NR0B1: variants seen among roughly 807,000 people sequenced by gnomAD.
The protein encoded by NR0B1 is DSS-AHC critical region on the X chromosome protein 1.
In NR0B1, 3 loss-of-function variants were observed where a neutral mutation model predicts 23.0. The ratio of observed to expected loss-of-function variants is 0.13; its 90% confidence interval spans 0.06 to 0.34. NR0B1 has a LOEUF of 0.34. Ranked by LOEUF, NR0B1 falls within the 10% of genes least tolerant of loss-of-function variation. The probability of loss-of-function intolerance (pLI) is 1.00; values close to 1 mark genes in which losing one functional copy is unlikely to be tolerated. For missense variants in NR0B1, 350 were observed against 402.9 expected, an observed-to-expected ratio of 0.87 and a Z score of 1.12; for synonymous variants, 205 against 184.0, an observed-to-expected ratio of 1.11 and a Z score of -0.92.
chrX:30,305,571 A>G (rs1223030347), intron 1 of NR0B1: 1 of 234,746 alleles, frequency 4.3e-6, no homozygotes, highest in East Asian at 7.1e-5. Context: ...AACATCACGA[A>G]TTGTACCATG....
At chrX:30,307,044 A>G (rs948773279) in intron 1 of NR0B1, among the ~76,000 whole-genome samples, 2 of 111,619 alleles carry the variant, frequency 1.8e-5, no homozygotes, top group African/African-American at 6.5e-5. Flanking sequence ...ACAAATTATT[A>G]TCCCACCAAA....
intron 1 of NR0B1, among the ~76,000 whole-genome samples, chrX:30,306,065 TC>T (rs1343949318): frequency 9.0e-6 from 1 of 111,588 alleles, no homozygotes; most frequent in Non-Finnish European, 1.9e-5. Context: ...CACATTATCA[TC>T]CCCTTCTATC....
chrX:30,308,784 C>T lies in NR0B1; in HGVS notation c.580G>A (p.Ala194Thr). 8.4e-7 allele frequency: 1 copy of T among 1,195,496 alleles called. No individual in the cohort carries two copies. Among genetic ancestry groups the T allele is most frequent in the Non-Finnish European group, 1.1e-6 (1 of 887,873 alleles). ...CAAAAGCAGCAGCGGTACAGAAGCGCCGTGGCCCGCCCGCCTGGTAGCGCC... is the reference window on the plus strand; with the variant it reads ...CAAAAGCAGCAGCGGTACAGAAGCGTCGTGGCCCGCCCGCCTGGTAGCGCC... ...KEALPGGRAT[A>T]LLYRCCFCGE... Residue 194 changes from alanine (A) to threonine (T), a missense_variant, in exon 1 of 2, where the codon GCG becomes ACG. By Grantham distance (58) the Ala-to-Thr change is moderately conservative (BLOSUM62 0). This residue lies in a region of NR0B1 where 298 missense variants were observed against 314.0 expected (regional missense o/e 0.95). Transcript: ENST00000378970.
At position 30,304,479 on chromosome X, in the gene NR0B1, A is replaced by G. The variant is rs1457784674; in HGVS notation, c.*100T>C. The G allele has an allele frequency of 6.3e-6, 6 of 948,039 alleles. No individual in the cohort carries two copies. Among genetic ancestry groups the G allele is most frequent in the African/African-American group, 2.0e-5 (1 of 51,014 alleles). 78.1% of individuals were successfully genotyped at this position (948,039 alleles called of 1,213,427 possible). On this transcript the variant is annotated 3_prime_UTR_variant, in exon 2 of 2. Coordinates refer to ENST00000378970, the MANE Select transcript of NR0B1 (RefSeq NM_000475.5). ...AAATACTCTGCATGTAAAAATATTA[A>G]GAAAGTTTATTTTAAAATATTTTAC...
Position 30,304,937 on chromosome X carries a change from C to T in NR0B1, c.1169-114G>A, listed in dbSNP as rs1180893159. 1.6e-5 allele frequency: 15 copies of T among 958,673 alleles called. No homozygotes were observed. The East Asian group carries it at 2.0e-4, about 13-fold the overall frequency. 79.0% of individuals were successfully genotyped at this position (958,673 alleles called of 1,213,427 possible). A position where few individuals can be genotyped will look rare whatever the true frequency, so the allele number is the denominator to read the frequency against. On this transcript the variant is annotated intron_variant, in intron 1 of 1. Transcript: ENST00000378970. ...CAATTAAACAAGACCCAAAGCTTCC[C>T]GGTTAAAAGGGTAAAAGGCCAAACC...
intron 1 of NR0B1, chrX:30,305,873 A>G (rs754259743): frequency 4.5e-6 from 2 of 441,836 alleles, no homozygotes; most frequent in South Asian, 4.6e-5. Flanking sequence ...ATTCAACAGA[A>G]AAGTATTTTA....
rs934689586 is a variant in NR0B1, at chrX:30,306,130, G to A, written c.1169-1307C>T. On this transcript the variant is annotated intron_variant, in intron 1 of 1. Coordinates refer to ENST00000378970, the MANE Select transcript of NR0B1 (RefSeq NM_000475.5). ...AATTTTGTTGTGTTTGAATTCCATCGATGAAAGTAGGAAGAGGCTTGCATG... is the reference window on the plus strand; with the variant it reads ...AATTTTGTTGTGTTTGAATTCCATCAATGAAAGTAGGAAGAGGCTTGCATG... Among the ~76,000 whole-genome samples the A allele has an allele frequency of 2.7e-5, 3 of 111,376 alleles. No homozygotes were observed. The Admixed American group carries it at 2.9e-4, about 11-fold the overall frequency.
At chrX:30,308,106 A>T (rs1037579406) in intron 1 of NR0B1, 90 bp downstream of exon 1, 4 of 725,402 alleles carry the variant, frequency 5.5e-6, no homozygotes, top group Non-Finnish European at 8.8e-6. Flanking sequence ...CTGATCACTG[A>T]AAACTCGTTA....
intron 1 of NR0B1, among the ~76,000 whole-genome samples, chrX:30,307,140 G>A (rs1926535967): frequency 8.9e-6 from 1 of 111,906 alleles, no homozygotes; most frequent in Middle Eastern, 4.7e-3. Context: ...AGATACAAAA[G>A]GAGCATTATA....
chrX:30,304,287 A>T lies in NR0B1; in HGVS notation c.*292T>A. On this transcript the variant is annotated 3_prime_UTR_variant, in exon 2 of 2. Coordinates refer to ENST00000378970, the MANE Select transcript of NR0B1 (RefSeq NM_000475.5). Reference sequence around the variant, plus strand: ...TACAAATTTGATTTGAGCAGGTTCCATGAAATTGCTACACTTGTGAAAATA... The same window carrying T: ...TACAAATTTGATTTGAGCAGGTTCCTTGAAATTGCTACACTTGTGAAAATA... The T allele has an allele frequency of 4.2e-6, 1 of 240,299 alleles. No homozygotes were observed. 19.8% of individuals were successfully genotyped at this position (240,299 alleles called of 1,213,427 possible).
At position 30,308,676 on chromosome X, in the gene NR0B1, G is replaced by C; in HGVS notation, c.688C>G (p.Arg230Gly). The C allele has an allele frequency of 2.5e-6, 3 of 1,201,128 alleles. No individual in the cohort carries two copies. Among genetic ancestry groups the C allele is most frequent in the Non-Finnish European group, 3.4e-6 (3 of 890,719 alleles). ...TNQAQAAPEERPRAPWWDTSS... is the reference protein window; with the variant it reads ...TNQAQAAPEEGPRAPWWDTSS... ...GTGTCCCACCAGGGGGCCCTCGGCC[G>C]CTCCTCCGGAGCCGCCTGCGCTTGA... The change falls in exon 1 of 2, where the codon CGG becomes GGG. Residue 230 changes from arginine to glycine, a missense_variant. Physicochemically the swap from Arg to Gly is moderately radical, Grantham distance 125. Transcript: ENST00000378970.
In NR0B1 at chrX:30,304,451, C is replaced by A; in HGVS notation, c.*128G>T. 1.3e-6 allele frequency: 1 copy of A among 764,077 alleles called. No homozygotes were observed. Among genetic ancestry groups the A allele is most frequent in the Non-Finnish European group, 1.9e-6 (1 of 526,953 alleles). The allele number at this position is 764,077 out of a possible 1,213,427, so 63.0% of individuals were successfully genotyped here. On this transcript the variant is annotated 3_prime_UTR_variant, in exon 2 of 2. Transcript: ENST00000378970. ...ATAAAATTATTTCTTTAATTGAATA[C>A]AAAAATACTCTGCATGTAAAAATAT...
rs188406413 is a variant in NR0B1 at position 30,308,605 on chromosome X, C to T, written c.759G>A (p.Val253=). 2 of 1,206,243 alleles carry T rather than the reference C, an allele frequency of 1.7e-6. No individual in the cohort carries two copies. Among genetic ancestry groups the T allele is most frequent in the African/African-American group, 3.5e-5 (2 of 57,386 alleles). ...LRPVALKSPQ[V]VCEAASAGLL... ...GGCCCGCTGAGGCTGCCTCGCAGAC[C>T]ACCTGTGGACTCTTGAGCGCCACCG... The change falls in exon 1 of 2, where the codon GTG becomes GTA. Residue 253 remains valine, a synonymous_variant. Coordinates refer to ENST00000378970, the MANE Select transcript of NR0B1 (RefSeq NM_000475.5).
In NR0B1 at chrX:30,304,817, G is replaced by T. The variant is rs1261361082; in HGVS notation, c.1175C>A (p.Pro392Gln). Reference protein sequence around the residue: ...KGTVLFNPDVPGLQCVKYIQG... With the variant: ...KGTVLFNPDVQGLQCVKYIQG... ...AATGTACTTCACGCACTGCAGGCCCGGCACGTCTGGAGGGAGAAAAATCTC... is the reference window on the plus strand; with the variant it reads ...AATGTACTTCACGCACTGCAGGCCCTGCACGTCTGGAGGGAGAAAAATCTC... Residue 392 changes from proline to glutamine, a missense_variant, in exon 2 of 2, where the codon CCG becomes CAG. Physicochemically the swap from Pro to Gln is moderately conservative, Grantham distance 76. Transcript: ENST00000378970. 1 of 1,210,710 alleles carries T rather than the reference G, an allele frequency of 8.3e-7. No individual in the cohort carries two copies.
Position 30,309,083 on chromosome X carries a change from G to T in NR0B1, c.281C>A (p.Pro94Gln), listed in dbSNP as rs749226179. The T allele has an allele frequency of 8.3e-6, 10 of 1,200,505 alleles. No homozygotes were observed. In the Admixed American group the frequency reaches 2.0e-4, roughly 24 times the overall value. Residue 94 changes from proline to glutamine, a missense_variant, in exon 1 of 2, where the codon CCG (proline) becomes CAG (glutamine). Around this residue, in one of 2 missense-constraint regions of NR0B1, gnomAD observed 298 missense variants for 314.0 expected, o/e 0.95. Transcript: ENST00000378970. ...LTSAKQTYAA[P>Q]KAPEATLGPC... ...ACCCAGCGTCGCCTCGGGCGCCTTC[G>T]GTGCCGCGTACGTTTGCTTTGCGCT... is the stretch of plus-strand genomic sequence containing the variant.
rs1926559239 is a variant in NR0B1, at chrX:30,308,177, C to T, written c.1168+19G>A. ...TTTGTGAGCTGGGAAAAGCCGGCGC[C>T]TAAGGCCAGTACCCTTACCCGGGTT... On this transcript the variant is annotated intron_variant, in intron 1 of 1. Transcript: ENST00000378970. The T allele has an allele frequency of 8.4e-7, 1 of 1,191,110 alleles. No homozygotes were observed. Among genetic ancestry groups the T allele is most frequent in the Non-Finnish European group, 1.1e-6 (1 of 876,306 alleles).
intron 1 of NR0B1, among the ~76,000 whole-genome samples, chrX:30,306,294 C>T (rs189783955): frequency 2.7e-5 from 3 of 111,344 alleles, no homozygotes; most frequent in South Asian, 3.8e-4. Context: ...GGTTCCCCCC[C>T]ACACAGAGAC....
At chrX:30,307,400 C>T (rs956246661) in intron 1 of NR0B1, among the ~76,000 whole-genome samples, 11 of 73,350 alleles carry the variant, frequency 1.5e-4, no homozygotes, top group African/African-American at 7.4e-4. Flanking sequence ...TCAGGTGCCA[C>T]AACACACCAA....
intron 1 of NR0B1, among the ~76,000 whole-genome samples, chrX:30,307,844 T>G (rs1294528699): frequency 8.9e-6 from 1 of 112,378 alleles, no homozygotes; most frequent in African/African-American, 3.2e-5. Flanking sequence ...GAGCAAAAAC[T>G]TTTTTTAGAA....
Sources: gnomAD v4.1 joint callset for allele counts (sites outside exome capture counted in the v4.1 genomes callset) on GRCh38, gnomAD v4.1.1 for gene constraint, gnomAD v4.1.1 regional missense constraint, MANE v1.5 for transcripts, NCBI Gene and HGNC (gene_info 2026-07-23, HGNC 2026-07-21) for gene names.